RNF40: variants seen among roughly 807,000 people sequenced by gnomAD.
RNF40 encodes the protein ring finger protein 40.
A neutral mutation model predicts 123.3 loss-of-function variants in RNF40; 39 were observed. The observed-to-expected ratio is 0.32, with a 90% confidence interval of 0.24 to 0.41. The LOEUF (loss-of-function observed/expected upper bound fraction) is 0.41, where lower values mean the gene tolerates loss of function less well. Among genes scored for constraint, RNF40 ranks in the 10% least tolerant of loss-of-function variants. The probability of loss-of-function intolerance (pLI) is 1.00; values close to 1 mark genes in which losing one functional copy is unlikely to be tolerated. For synonymous variants in RNF40, 538 were observed against 526.0 expected (o/e 1.02, Z -0.31); for missense variants, 1,003 against 1,319.9 (o/e 0.76, Z 3.72).
At chr16:30,767,487 G>A (rs112234000) in intron 11 of RNF40, among the ~76,000 whole-genome samples, 10,310 of 151,622 alleles carry the variant, frequency 0.068, 470 homozygotes, top group Non-Finnish European at 0.11. Flanking sequence ...CTATTAAAGG[G>A]AATTGGATGT....
At position 30,774,342 on chromosome 16, in the gene RNF40, C is replaced by G; in HGVS notation, c.*228C>G. ...AGAGCTGCAGCCTAGGGGGCACTGC[C>G]CTACAGAAAAGGTCTGCCTGAGAGG... On this transcript the variant is annotated 3_prime_UTR_variant, in exon 20 of 20. Coordinates refer to ENST00000324685, the MANE Select transcript of RNF40 (RefSeq NM_014771.4). 1 of 514,550 alleles carries G rather than the reference C, an allele frequency of 1.9e-6. No homozygotes were observed. Among genetic ancestry groups the G allele is most frequent in the South Asian group, 3.2e-5 (1 of 31,542 alleles). 31.9% of individuals were successfully genotyped at this position (514,550 alleles called of 1,614,324 possible). A position where few individuals can be genotyped will look rare whatever the true frequency, so the allele number is the denominator to read the frequency against.
rs750304289 is a variant in RNF40, at chr16:30,764,994, G to C, written c.706G>C (p.Glu236Gln). Reference protein sequence around the residue: ...AQAHTRELGRENRRLQDLATQ... With the variant: ...AQAHTRELGRQNRRLQDLATQ... Reference sequence around the variant, plus strand: ...GGCACACACCCGAGAGCTGGGCCGTGAGAACCGGCGACTGCAGGACTTGGC... The same window carrying C: ...GGCACACACCCGAGAGCTGGGCCGTCAGAACCGGCGACTGCAGGACTTGGC... Residue 236 changes from glutamate (E) to glutamine (Q), a missense_variant, in exon 6 of 20, where the codon GAG (glutamate) becomes CAG (glutamine). Around this residue, in one of 11 missense-constraint regions of RNF40, gnomAD observed 274 missense variants for 356.9 expected, o/e 0.77. Coordinates refer to ENST00000324685, the MANE Select transcript of RNF40 (RefSeq NM_014771.4). The C allele has an allele frequency of 1.9e-6, 3 of 1,613,676 alleles. No homozygotes were observed. In the South Asian group the frequency reaches 3.3e-5, roughly 18 times the overall value.
At chr16:30,773,864 ACTC>A (rs1229911425) in intron 19 of RNF40, 71 bp from the exon 20 acceptor site, 31 of 1,490,568 alleles carry the variant, frequency 2.1e-5, no homozygotes, top group African/African-American at 2.8e-5. Flanking sequence ...CTTGGCCTGG[ACTC>A]CTCCTGCTGT....
At chr16:30,767,559 C>T in intron 11 of RNF40, 1 of 215,750 alleles carries the variant, frequency 4.6e-6, no homozygotes, top group Non-Finnish European at 9.3e-6. Flanking sequence ...AATCCCAGCA[C>T]TTTCGGAGGC....
chr16:30,775,830 C>T lies in RNF40; in HGVS notation c.*1716C>T, dbSNP rs905414763. 3.9e-5 allele frequency: 6 copies of T among 152,268 alleles called. No individual in the cohort carries two copies. The highest frequency in any genetic ancestry group is 1.4e-4 in the African/African-American group (6 of 41,470). The allele number at this position is 152,268 out of a possible 1,614,324, so 9.4% of individuals were successfully genotyped here. ...GTCTCAGCGGTGGCGCCTTCGGACC[C>T]TATTGGCGCCCGGGACTTAAGCGGG... On this transcript the variant is annotated 3_prime_UTR_variant, in exon 20 of 20. Transcript: ENST00000324685.
chr16:30,769,105 T>G (rs1220285244), intron 15 of RNF40, 81 bp from the exon 16 acceptor site: 8 of 1,596,854 alleles, frequency 5.0e-6, no homozygotes, highest in Non-Finnish European at 6.9e-6. Flanking sequence ...GTTCTTTGCT[T>G]CGCTGCGTTT....
Position 30,774,090 on chromosome 16 carries a change from C to G in RNF40, c.2982C>G (p.Asp994Glu). The change falls in exon 20 of 20, where the codon GAC (aspartate) becomes GAG (glutamate). Residue 994 changes from aspartate (D) to glutamate (E), a missense_variant. Physicochemically the swap from Asp to Glu is conservative, Grantham distance 45. Transcript: ENST00000324685. ...GCAACGCGGCCTTTGGTGCCCACGA[C>G]TTCCATCGTATCTACATCAGCTGAA... is the stretch of plus-strand genomic sequence containing the variant. ...PKCNAAFGAH[D>E]FHRIYIS 1.2e-6 allele frequency: 2 copies of G among 1,613,770 alleles called. No individual in the cohort carries two copies. The highest frequency in any genetic ancestry group is 1.7e-6 in the Non-Finnish European group (2 of 1,179,706).
At chr16:30,770,209 C>T (rs1054983974) in intron 17 of RNF40, among the ~76,000 whole-genome samples, 1 of 148,372 alleles carries the variant, frequency 6.7e-6, no homozygotes, top group Non-Finnish European at 1.5e-5. Flanking sequence ...CAGGTTCAAG[C>T]AACTCTCCCA....
rs1291332472 is a variant in RNF40, at chr16:30,763,187, G to A, written c.202G>A (p.Ala68Thr). The A allele has an allele frequency of 6.2e-7, 1 of 1,613,724 alleles. No homozygotes were observed. Among genetic ancestry groups the A allele is most frequent in the Non-Finnish European group, 8.5e-7 (1 of 1,180,044 alleles). The stretch of plus-strand genomic sequence containing the variant: ...GGCAGAGCGGCTGGAACAACGGCAG[G>A]CTTGTGAAGATGAACTCCGAGAACG... ...KLAERLEQRQACEDELRERIE... is the reference protein window; with the variant it reads ...KLAERLEQRQTCEDELRERIE... Residue 68 changes from alanine to threonine, a missense_variant, in exon 3 of 20, where the codon GCT becomes ACT. Ala to Thr is a moderately conservative substitution (Grantham distance 58). Transcript: ENST00000324685.
chr16:30,764,329 C>T lies in RNF40; in HGVS notation c.593C>T (p.Ala198Val), dbSNP rs771627600. Residue 198 changes from alanine (A) to valine (V), a missense_variant, in exon 5 of 20, where the codon GCC becomes GTC. Physicochemically the swap from Ala to Val is moderately conservative, Grantham distance 64. This residue lies in a region of RNF40 where 274 missense variants were observed against 356.9 expected (regional missense o/e 0.77). Transcript: ENST00000324685. The part of the protein sequence containing the change: ...SKAAVSRVVE[A>V]SDRLQRRVEE... ...GCAGCTGTGTCTCGTGTGGTAGAGG[C>T]CTCAGACCGCCTACAGCGCCGGGTG... The T allele has an allele frequency of 2.5e-6, 4 of 1,613,896 alleles. No homozygotes were observed. The highest frequency in any genetic ancestry group is 2.5e-6 in the Non-Finnish European group (3 of 1,179,980).
At chr16:30,765,388 C>A in intron 7 of RNF40, 37 bp from the exon 8 acceptor site, 1 of 1,613,992 alleles carries the variant, frequency 6.2e-7, no homozygotes, top group Non-Finnish European at 8.5e-7. Flanking sequence ...TAGCTCCTCC[C>A]CTCTACATCC....
Position 30,774,771 on chromosome 16 carries a change from A to ATCATCAGT in RNF40, c.*659_*666dup. On this transcript the variant is annotated 3_prime_UTR_variant, in exon 20 of 20. Coordinates refer to ENST00000324685, the MANE Select transcript of RNF40 (RefSeq NM_014771.4). Reference sequence around the variant, plus strand: ...CTCATCTTGCAGGTGCTGAACCAACATCATCAGTTTCTATTCTAATCAGGC... The same window carrying ATCATCAGT: ...CTCATCTTGCAGGTGCTGAACCAACATCATCAGTTCATCAGTTTCTATTCTAATCAGGC... The ATCATCAGT allele has an allele frequency of 2.9e-6, 1 of 349,760 alleles. No individual in the cohort carries two copies. 21.7% of individuals were successfully genotyped at this position (349,760 alleles called of 1,614,324 possible). A position where few individuals can be genotyped will look rare whatever the true frequency, so the allele number is the denominator to read the frequency against.
chr16:30,768,853 A>T lies in RNF40; in HGVS notation c.2113A>T (p.Ser705Cys). The change falls in exon 15 of 20, where the codon AGC becomes TGC. Residue 705 changes from serine (S) to cysteine (C), a missense_variant. Ser to Cys is a moderately radical substitution (Grantham distance 112). Around this residue, in one of 11 missense-constraint regions of RNF40, gnomAD observed 295 missense variants for 331.7 expected, o/e 0.89. Coordinates refer to ENST00000324685, the MANE Select transcript of RNF40 (RefSeq NM_014771.4). This position sits in a 1 kb window ranked among gnomAD's most constrained non-coding sequence, Gnocchi z 4.1. The part of the protein sequence containing the change: ...KAKAEVDELR[S>C]RIRELEERDR... ...TGTGCTATAGGTTGATGAGCTGCGG[A>T]GCCGCATCCGGGAATTGGAGGAGAG... is the stretch of plus-strand genomic sequence containing the variant. 6.2e-7 allele frequency: 1 copy of T among 1,614,224 alleles called. No homozygotes were observed.
At position 30,762,978 on chromosome 16, in the gene RNF40, C is replaced by G. The variant is rs184016674; in HGVS notation, c.133-140C>G. 87 of 979,576 alleles carry G rather than the reference C, an allele frequency of 8.9e-5. No homozygotes were observed. The African/African-American group carries it at 1.3e-3, about 15-fold the overall frequency. The allele number at this position is 979,576 out of a possible 1,614,324, so 60.7% of individuals were successfully genotyped here. On this transcript the variant is annotated intron_variant, in intron 2 of 19. Transcript: ENST00000324685. The stretch of plus-strand genomic sequence containing the variant: ...CTTTCGCTGTGTGTTGTCTGAGCCT[C>G]CTTAGATTCTGTTAGCGGTTAGTGT...
rs761109123 is a variant in RNF40 at position 30,765,065 on chromosome 16, G to A, written c.771+6G>A. On this transcript the variant is annotated splice_donor_region_variant and intron_variant, in intron 6 of 19. Coordinates refer to ENST00000324685, the MANE Select transcript of RNF40 (RefSeq NM_014771.4). ...ACCACCGCATCTCATTGGAGGTGAG[G>A]AGCCGGGGGCTTTGGGGGTGTGATT... is the stretch of plus-strand genomic sequence containing the variant. The A allele has an allele frequency of 1.9e-6, 3 of 1,613,946 alleles. No individual in the cohort carries two copies. The highest frequency in any genetic ancestry group is 2.5e-6 in the Non-Finnish European group (3 of 1,179,872).
At chr16:30,761,841 C>T, upstream of RNF40, 1 of 1,234,014 alleles carries the variant, frequency 8.1e-7, no homozygotes, top group Non-Finnish European at 1.1e-6. Flanking sequence ...CAAGGCCGGG[C>T]CCGTTCGCCT....
intron 15 of RNF40, 85 bp from the exon 16 acceptor site, chr16:30,769,101 T>C (rs1258087888): frequency 1.3e-6 from 2 of 1,596,268 alleles, no homozygotes; most frequent in Non-Finnish European, 1.7e-6. Context: ...TGTAGTTCTT[T>C]GCTTCGCTGC....
Position 30,765,186 on chromosome 16 carries a change from C to T in RNF40, c.777C>T (p.Ser259=), listed in dbSNP as rs1567283113. The T allele has an allele frequency of 3.1e-6, 5 of 1,614,030 alleles. No homozygotes were observed. The highest frequency in any genetic ancestry group is 2.7e-5 in the African/African-American group (2 of 74,918). Residue 259 remains serine, a synonymous_variant, in exon 7 of 20, where the codon TCC becomes TCT. Coordinates refer to ENST00000324685, the MANE Select transcript of RNF40 (RefSeq NM_014771.4). ...EKHHRISLEY[S]ELQDKVTSAE... Reference sequence around the variant, plus strand: ...TGCTCCCTCATTGTTCCCAGTACTCCGAGCTCCAGGATAAAGTGACATCGG... The same window carrying T: ...TGCTCCCTCATTGTTCCCAGTACTCTGAGCTCCAGGATAAAGTGACATCGG...
rs777067158 is a variant in RNF40 at position 30,763,109 on chromosome 16, C to G, written c.133-9C>G. The G allele has an allele frequency of 1.7e-5, 28 of 1,613,416 alleles. No individual in the cohort carries two copies. The highest frequency in any genetic ancestry group is 2.3e-5 in the Non-Finnish European group (27 of 1,179,948). The stretch of plus-strand genomic sequence containing the variant: ...ACGCTCTCGTCGGCCCCTTTGTTTC[C>G]TTTGGTAGGAGGAGATGGACCTGAA... On this transcript the variant is annotated splice_polypyrimidine_tract_variant and intron_variant, in intron 2 of 19. Transcript: ENST00000324685.
Sources: allele counts gnomAD v4.1 joint callset (sites outside exome capture counted in the v4.1 genomes callset), GRCh38; gene constraint gnomAD v4.1.1; regional missense constraint gnomAD v4.1.1; non-coding constraint Gnocchi (gnomAD v3.1); transcripts MANE v1.5; gene names NCBI Gene and HGNC (gene_info 2026-07-23, HGNC 2026-07-21).